Variants in TLN2 observed in about 807,000 individuals in gnomAD.
TLN2 encodes the protein talin 2, also known as talin-2.
Under a neutral mutation model 294.7 loss-of-function variants are expected in TLN2, and 118 were observed. The ratio of observed to expected loss-of-function variants is 0.40; its 90% CI spans 0.34 to 0.47. TLN2 has a LOEUF of 0.47. Ranked by LOEUF, TLN2 falls within the 20% of genes least tolerant of loss-of-function variation. The pLI is 0.84. For missense variants in TLN2, 3,083 were observed against 3,282.2 expected, an observed-to-expected ratio of 0.94 and a Z score of 1.48; for synonymous variants, 1,431 against 1,304.5, an observed-to-expected ratio of 1.10 and a Z score of -2.09.
chr15:62,839,287 C>A (rs1390823758), intron 58 of TLN2, among the ~76,000 whole-genome samples: 1 of 152,206 alleles, frequency 6.6e-6, no homozygotes, highest in Non-Finnish European at 1.5e-5. Flanking sequence ...CTCTCACATA[C>A]CATTGGTCAG....
At chr15:62,683,489 CT>C in intron 11 of TLN2, among the ~76,000 whole-genome samples, 1 of 133,294 alleles carries the variant, frequency 7.5e-6, no homozygotes, top group Non-Finnish European at 1.6e-5. Flanking sequence ...GGTAGAATGC[CT>C]GCATTCTCCC....
chr15:62,817,192 T>G (rs776084820), intron 52 of TLN2, among the ~76,000 whole-genome samples: 1 of 152,210 alleles, frequency 6.6e-6, no homozygotes, highest in Non-Finnish European at 1.5e-5. Context: ...TCTTGGAAAG[T>G]AAAAGGCATT....
At position 62,725,023 on chromosome 15, in the gene TLN2, G is replaced by T. The variant is rs554839999; in HGVS notation, c.3174G>T (p.Thr1058=). ...GPMEIDSALN[T]VQTLKNELQD... The stretch of plus-strand genomic sequence containing the variant: ...TGGAAATCGATTCAGCTCTGAATAC[G>T]GTGCAGACGCTTAAGAATGAACTGC... Residue 1058 remains threonine, a synonymous_variant, in exon 27 of 59, where the codon ACG becomes ACT. Transcript: ENST00000636159. 14 of 1,613,512 alleles carry T rather than the reference G, an allele frequency of 8.7e-6. No homozygotes were observed. Among genetic ancestry groups the T allele is most frequent in the South Asian group, 2.2e-5 (2 of 91,030 alleles).
intron 1 of TLN2, among the ~76,000 whole-genome samples, chr15:62,442,221 T>G (rs1030446555): frequency 5.9e-5 from 9 of 151,766 alleles, no homozygotes; most frequent in Non-Finnish European, 1.2e-4. Flanking sequence ...TGTGGCCTGG[T>G]GTGTTGCCTC....
intron 3 of TLN2, among the ~76,000 whole-genome samples, chr15:62,643,405 A>ATTTTTTTTTTT (rs571288380): frequency 2.3e-4 from 21 of 90,746 alleles, no homozygotes; most frequent in African/African-American, 3.8e-4. Flanking sequence ...TGGTTCCAGG[A>ATTTTTTTTTTT]TTTTTTTTTT....
At chr15:62,557,446 C>T (rs1179722003) in intron 1 of TLN2, among the ~76,000 whole-genome samples, 1 of 152,206 alleles carries the variant, frequency 6.6e-6, no homozygotes. Flanking sequence ...GACTCTGGCA[C>T]TTTTACATGG....
chr15:62,426,291 C>T (rs902999013), intron 1 of TLN2, among the ~76,000 whole-genome samples: 2 of 152,194 alleles, frequency 1.3e-5, no homozygotes, highest in African/African-American at 4.8e-5. Context: ...TTCCCTCTCC[C>T]CATTTCATTT....
intron 1 of TLN2, among the ~76,000 whole-genome samples, chr15:62,480,491 C>T (rs1334987760): frequency 1.3e-5 from 2 of 152,216 alleles, no homozygotes; most frequent in Non-Finnish European, 2.9e-5. Flanking sequence ...TCCCAAAGTG[C>T]TGGGATTACA....
intron 9 of TLN2, among the ~76,000 whole-genome samples, chr15:62,668,892 A>G (rs190640885): frequency 2.6e-5 from 4 of 152,352 alleles, no homozygotes; most frequent in Non-Finnish European, 5.9e-5. Context: ...TGGATAATCC[A>G]AAAAGTCATT....
At position 62,697,794 on chromosome 15, in the gene TLN2, A is replaced by G. The variant is rs1295949998; in HGVS notation, c.1399A>G (p.Asn467Asp). 2 of 1,612,372 alleles carry G rather than the reference A, an allele frequency of 1.2e-6. No individual in the cohort carries two copies. The highest frequency in any genetic ancestry group is 1.7e-6 in the Non-Finnish European group (2 of 1,179,612). The change falls in exon 15 of 59, where the codon AAC becomes GAC. Residue 467 changes from asparagine (N) to aspartate (D), a missense_variant. Physicochemically the swap from Asn to Asp is conservative, Grantham distance 23. Coordinates refer to ENST00000636159, the MANE Select transcript of TLN2 (RefSeq NM_015059.3). ...RSGSSGPETF[N>D]VGSMPSPQQQ... ...GGGCTCCAGCGGGCCTGAGACCTTC[A>G]ACGTTGGCAGCATGCCCTCGCCACA...
At chr15:62,616,039 T>C (rs1024736869) in intron 2 of TLN2, among the ~76,000 whole-genome samples, 2 of 152,258 alleles carry the variant, frequency 1.3e-5, no homozygotes, top group African/African-American at 4.8e-5. Context: ...TGATACTTGT[T>C]TTATTTTCTT....
intron 41 of TLN2, among the ~76,000 whole-genome samples, chr15:62,767,618 C>T (rs1471724943): frequency 6.6e-6 from 1 of 152,162 alleles, no homozygotes; most frequent in Admixed American, 6.5e-5. Flanking sequence ...GGATTACAGG[C>T]GTGAGCCACT....
intron 58 of TLN2, among the ~76,000 whole-genome samples, chr15:62,840,272 A>G (rs1297661084): frequency 6.6e-6 from 1 of 152,162 alleles, no homozygotes; most frequent in Admixed American, 6.5e-5. Flanking sequence ...ATCACAGGCC[A>G]GAACCAGCGT....
At chr15:62,823,736 C>A (rs985598344) in intron 54 of TLN2, among the ~76,000 whole-genome samples, 2 of 152,226 alleles carry the variant, frequency 1.3e-5, no homozygotes, top group African/African-American at 4.8e-5. Context: ...ATCTCCCAGA[C>A]ATGCACCGTT....
chr15:62,692,986 A>G, intron 13 of TLN2, 45 bp downstream of exon 13: 1 of 1,543,144 alleles, frequency 6.5e-7, no homozygotes, highest in Non-Finnish European at 8.9e-7. Flanking sequence ...CGGCTTTATT[A>G]AAAGGCTTGG....
intron 3 of TLN2, among the ~76,000 whole-genome samples, chr15:62,623,737 G>A (rs2049031803): frequency 6.6e-6 from 1 of 152,188 alleles, no homozygotes; most frequent in African/African-American, 2.4e-5. Context: ...ACTTGATCCA[G>A]AACCTATTTC....
At chr15:62,674,470 C>T (rs899732692) in intron 10 of TLN2, among the ~76,000 whole-genome samples, 18 of 151,648 alleles carry the variant, frequency 1.2e-4, no homozygotes, top group African/African-American at 2.9e-4. Context: ...TGAGTACTAT[C>T]GTGCACAGGC....
chr15:62,700,747 T>C (rs1484726726), intron 16 of TLN2, among the ~76,000 whole-genome samples: 1 of 152,264 alleles, frequency 6.6e-6, no homozygotes, highest in Non-Finnish European at 1.5e-5. Context: ...TAGCAACAAC[T>C]ATTAGTGCTA....
intron 37 of TLN2, among the ~76,000 whole-genome samples, chr15:62,757,776 A>AC (rs2062392624): frequency 2.6e-5 from 4 of 152,158 alleles, no homozygotes. Context: ...CCTGGGAACG[A>AC]GGAGCAATGC....
Sources: gnomAD v4.1 joint callset for allele counts (sites outside exome capture counted in the v4.1 genomes callset) on GRCh38, gnomAD v4.1.1 for gene constraint, MANE v1.5 for transcripts, NCBI Gene and HGNC (gene_info 2026-07-23, HGNC 2026-07-21) for gene names.